The following RIMBP2 variants were observed in gnomAD, a reference collection of about 807,000 sequenced individuals.
The protein encoded by RIMBP2 is RIMS binding protein 2.
RIMBP2 carries 48 observed loss-of-function variants against 118.6 expected under a neutral mutation model. The observed-to-expected ratio is 0.40, with a 90% confidence interval of 0.32 to 0.51. RIMBP2 has a LOEUF of 0.51. RIMBP2 is among the 20% of genes least tolerant of loss of function. RIMBP2 has a pLI of 0.41. For missense variants in RIMBP2, 1,551 were observed against 1,768.3 expected (o/e 0.88, Z 2.20); for synonymous variants, 762 against 742.9 (o/e 1.03, Z -0.42).
intron 1 of RIMBP2, among the ~76,000 whole-genome samples, chr12:130,633,200 C>T (rs1044331994): frequency 6.6e-6 from 1 of 152,182 alleles, no homozygotes; most frequent in Non-Finnish European, 1.5e-5. Flanking sequence ...TATCTATTGT[C>T]TGAGTATATT....
intron 19 of RIMBP2, among the ~76,000 whole-genome samples, chr12:130,412,129 G>C (rs2136467031): frequency 6.6e-6 from 1 of 152,134 alleles, no homozygotes; most frequent in South Asian, 2.1e-4. Flanking sequence ...ATTCTCACTG[G>C]TGCTTGCAGA....
At chr12:130,429,869 G>A (rs1043152817) in intron 14 of RIMBP2, 1 of 152,176 alleles carries the variant, frequency 6.6e-6, no homozygotes, top group Non-Finnish European at 1.5e-5. Context: ...GCTCCAAGCG[G>A]AAGGCACGAA....
intron 6 of RIMBP2, among the ~76,000 whole-genome samples, chr12:130,464,436 G>A (rs1430608840): frequency 2.0e-5 from 3 of 152,028 alleles, no homozygotes; most frequent in Admixed American, 6.5e-5. Flanking sequence ...TACCTGCTAT[G>A]TGCCAGGCCC....
intron 2 of RIMBP2, among the ~76,000 whole-genome samples, chr12:130,563,236 C>T (rs547394025): frequency 6.6e-6 from 1 of 152,310 alleles, no homozygotes; most frequent in African/African-American, 2.4e-5. Context: ...CATTTTTCTT[C>T]CACAAATAAA....
intron 9 of RIMBP2, among the ~76,000 whole-genome samples, chr12:130,449,103 G>A (rs537034467): frequency 2.0e-5 from 3 of 152,346 alleles, no homozygotes; most frequent in African/African-American, 7.2e-5. Context: ...AGGGATATCT[G>A]CCTTTGAAAT....
At chr12:130,699,371 G>A (rs1019057822) in intron 1 of RIMBP2, among the ~76,000 whole-genome samples, 8 of 151,932 alleles carry the variant, frequency 5.3e-5, no homozygotes, top group South Asian at 4.2e-4. Context: ...AATGTGGCAC[G>A]TATATACCAT....
At chr12:130,647,189 C>T (rs1211311005) in intron 1 of RIMBP2, among the ~76,000 whole-genome samples, 1 of 152,106 alleles carries the variant, frequency 6.6e-6, no homozygotes, top group Non-Finnish European at 1.5e-5. Flanking sequence ...ATGGTGAAAC[C>T]CTGCCCCTAA....
intron 2 of RIMBP2, among the ~76,000 whole-genome samples, chr12:130,599,923 C>T (rs1349723285): frequency 6.6e-6 from 1 of 152,112 alleles, no homozygotes; most frequent in Non-Finnish European, 1.5e-5. Context: ...ATTCAAAGTC[C>T]CCCCTCTGCC....
In RIMBP2 at chr12:130,612,129, G is replaced by T. The variant is rs371103376; in HGVS notation, c.-217+16193C>A. ...ATCACACAGCACAGCTCAGAGTCAC[G>T]CAAGGTCACCTCTCTGGGCCAGAGA... On this transcript the variant is annotated intron_variant, in intron 2 of 22. Transcript: ENST00000690449. 2.9e-3 allele frequency among the ~76,000 whole-genome samples: 442 copies of T among 152,118 alleles called. 4 individuals carry two copies. Among genetic ancestry groups the T allele is most frequent in the African/African-American group, 9.5e-3 (394 of 41,520 alleles).
At chr12:130,534,748 A>G (rs563159425) in intron 2 of RIMBP2, among the ~76,000 whole-genome samples, 5 of 152,340 alleles carry the variant, frequency 3.3e-5, no homozygotes, top group African/African-American at 4.8e-5. Context: ...TCCGGCAGGT[A>G]TCACTTCCAT....
In RIMBP2 at chr12:130,456,653, C is replaced by T. The variant is rs150209422; in HGVS notation, c.201G>A (p.Gln67=). ...CCAGGTCCCGGGACAGCAGGTTGAA[C>T]TGCTCACTTTGAGTCCGGCATTTCT... ...LEEKCRTQSE[Q]FNLLSRDLEK... is the part of the protein sequence containing the mutation. The change falls in exon 7 of 23, where the codon CAG becomes CAA. Residue 67 remains glutamine, a synonymous_variant. Transcript: ENST00000690449. 6.2e-7 allele frequency: 1 copy of T among 1,612,706 alleles called. No homozygotes were observed. The highest frequency in any genetic ancestry group is 1.3e-5 in the African/African-American group (1 of 74,926).
At chr12:130,460,270 A>G (rs1432429045) in intron 6 of RIMBP2, among the ~76,000 whole-genome samples, 7 of 152,172 alleles carry the variant, frequency 4.6e-5, no homozygotes, top group Non-Finnish European at 8.8e-5. Flanking sequence ...CTGTGCACAG[A>G]GGACGCAGGC....
intron 2 of RIMBP2, among the ~76,000 whole-genome samples, chr12:130,589,666 C>T (rs999276141): frequency 2.0e-5 from 3 of 152,190 alleles, no homozygotes; most frequent in Non-Finnish European, 4.4e-5. Flanking sequence ...TTGATTTAAT[C>T]CTTCCGCAAT....
intron 2 of RIMBP2, among the ~76,000 whole-genome samples, chr12:130,521,433 G>A (rs1227854758): frequency 6.6e-6 from 1 of 152,186 alleles, no homozygotes; most frequent in Non-Finnish European, 1.5e-5. Flanking sequence ...AGGATTGGGG[G>A]TGTGGGGGGT....
At chr12:130,679,550 G>A (rs1312616723) in intron 1 of RIMBP2, among the ~76,000 whole-genome samples, 1 of 152,226 alleles carries the variant, frequency 6.6e-6, no homozygotes, top group Non-Finnish European at 1.5e-5. Flanking sequence ...GAGCTCCCAA[G>A]GTCCTGAGGT....
At position 130,615,256 on chromosome 12, in the gene RIMBP2, A is replaced by G. The variant is rs1268762087; in HGVS notation, c.-217+13066T>C. ...TGTATATATGTACACATAATTATGTATATATACATAATACACATACATATA... is the reference window on the plus strand; with the variant it reads ...TGTATATATGTACACATAATTATGTGTATATACATAATACACATACATATA... On this transcript the variant is annotated intron_variant, in intron 2 of 22. Coordinates refer to ENST00000690449, the MANE Select transcript of RIMBP2 (RefSeq NM_001393629.1). Among the ~76,000 whole-genome samples, 6 of 102,836 alleles carry G rather than the reference A, an allele frequency of 5.8e-5. No individual in the cohort carries two copies. The East Asian group carries it at 1.8e-3, about 31-fold the overall frequency. The allele number at this position is 102,836 out of a possible 152,430, so 67.5% of individuals were successfully genotyped here.
chr12:130,709,567 C>T (rs1228399205), intron 1 of RIMBP2, among the ~76,000 whole-genome samples: 2 of 152,206 alleles, frequency 1.3e-5, no homozygotes, highest in Non-Finnish European at 2.9e-5. Flanking sequence ...TTTTGGGGCT[C>T]CCCTCTCAGG....
intron 2 of RIMBP2, among the ~76,000 whole-genome samples, chr12:130,569,668 C>T (rs147900342): frequency 1.3e-5 from 2 of 152,152 alleles, no homozygotes; most frequent in Admixed American, 6.5e-5. Context: ...CATTTAAAAG[C>T]GTGCAGCCCC....
chr12:130,585,394 C>T (rs368101772), intron 2 of RIMBP2, among the ~76,000 whole-genome samples: 1 of 152,240 alleles, frequency 6.6e-6, no homozygotes, highest in African/African-American at 2.4e-5. Flanking sequence ...AGCCCACACA[C>T]ATTTTGTTTG....
Sources: gnomAD v4.1 joint callset for allele counts (sites outside exome capture counted in the v4.1 genomes callset) on GRCh38, gnomAD v4.1.1 for gene constraint, MANE v1.5 for transcripts, NCBI Gene and HGNC (gene_info 2026-07-23, HGNC 2026-07-21) for gene names.